Variants in MAGI2 observed in about 807,000 individuals in gnomAD.
The protein encoded by MAGI2 is membrane-associated guanylate kinase, WW and PDZ domain-containing protein 2.
A neutral mutation model predicts 133.3 loss-of-function variants in MAGI2; 35 were observed. That is an observed-to-expected ratio of 0.26 (90% CI 0.20 to 0.35). The LOEUF (loss-of-function observed/expected upper bound fraction) is 0.35. Ranked by LOEUF, MAGI2 falls within the 10% of genes least tolerant of loss-of-function variation. The pLI, the probability that MAGI2 is intolerant of heterozygous loss-of-function variation, is 1.00. For missense variants in MAGI2, 1,636 were observed against 1,863.4 expected (o/e 0.88, Z 2.25); for synonymous variants, 729 against 710.6 (o/e 1.03, Z -0.41).
intron 2 of MAGI2, among the ~76,000 whole-genome samples, chr7:78,867,456 C>A (rs1794656398): frequency 1.3e-5 from 2 of 151,218 alleles, no homozygotes; most frequent in African/African-American, 4.9e-5. Flanking sequence ...AAACCAAACA[C>A]CACATATTCT....
chr7:78,577,822 GAT>G (rs1224668306), intron 3 of MAGI2, among the ~76,000 whole-genome samples: 1 of 152,096 alleles, frequency 6.6e-6, no homozygotes, highest in African/African-American at 2.4e-5. Context: ...TGGCGATCTG[GAT>G]GTGTACGTGC....
At chr7:79,166,679 GA>G (rs888906697) in intron 1 of MAGI2, among the ~76,000 whole-genome samples, 6 of 152,154 alleles carry the variant, frequency 3.9e-5, no homozygotes, top group Admixed American at 6.5e-5. Flanking sequence ...AAGGTGGGGG[GA>G]AAAATCCTTA....
At chr7:78,253,808 A>G (rs1045092267) in intron 10 of MAGI2, 4 of 152,230 alleles carry the variant, frequency 2.6e-5, no homozygotes, top group Middle Eastern at 6.8e-3. Flanking sequence ...ACAGCCGACC[A>G]CCCATGGTCC....
At chr7:78,768,773 G>A (rs879041144) in intron 2 of MAGI2, among the ~76,000 whole-genome samples, 1 of 151,974 alleles carries the variant, frequency 6.6e-6, no homozygotes, top group African/African-American at 2.4e-5. Flanking sequence ...ATTTTTTTCT[G>A]CACAATGCAC....
At position 79,396,129 on chromosome 7, in the gene MAGI2, A is replaced by AT. The variant is rs1018811416; in HGVS notation, c.301+56890dup. On this transcript the variant is annotated intron_variant, in intron 1 of 21. Coordinates refer to ENST00000354212, the MANE Select transcript of MAGI2 (RefSeq NM_012301.4). ...GACTGCTAGCATTCACCAAAGATCTATTTTTTTTTTCTTTCTTGGGCTCAT... is the reference window on the plus strand; with the variant it reads ...GACTGCTAGCATTCACCAAAGATCTATTTTTTTTTTTCTTTCTTGGGCTCAT... 2.1e-3 allele frequency among the ~76,000 whole-genome samples: 318 copies of AT among 149,234 alleles called. 2 individuals carry two copies. Among genetic ancestry groups the AT allele is most frequent in the African/African-American group, 7.0e-3 (283 of 40,708 alleles).
chr7:78,065,430 A>G, intron 21 of MAGI2: 1 of 498,842 alleles, frequency 2.0e-6, no homozygotes. Flanking sequence ...ATCACTTATA[A>G]GGTCTGAGCT....
intron 1 of MAGI2, among the ~76,000 whole-genome samples, chr7:79,317,783 G>A (rs1329875799): frequency 6.6e-6 from 1 of 152,080 alleles, no homozygotes; most frequent in Non-Finnish European, 1.5e-5. Flanking sequence ...TCCTTCGCTT[G>A]CCATGAAGGC....
intron 20 of MAGI2, among the ~76,000 whole-genome samples, chr7:78,091,092 A>T (rs1817162629): frequency 6.6e-6 from 1 of 151,740 alleles, no homozygotes; most frequent in Admixed American, 6.6e-5. Flanking sequence ...AGAGAGTAAG[A>T]GTGAATGAAT....
intron 1 of MAGI2, among the ~76,000 whole-genome samples, chr7:79,134,492 A>G (rs923249166): frequency 2.0e-5 from 3 of 152,148 alleles, no homozygotes; most frequent in Admixed American, 6.5e-5. Context: ...GGTATAATGT[A>G]TCTCAGCTGA....
chr7:78,976,753 A>C (rs1804293558), intron 2 of MAGI2, among the ~76,000 whole-genome samples: 1 of 151,498 alleles, frequency 6.6e-6, no homozygotes, highest in South Asian at 2.1e-4. Context: ...CAAGTATAGC[A>C]AGGTTGCAGG....
intron 1 of MAGI2, among the ~76,000 whole-genome samples, chr7:79,375,901 G>A (rs937371892): frequency 6.6e-6 from 1 of 151,588 alleles, no homozygotes; most frequent in African/African-American, 2.4e-5. Context: ...AGCAATTATT[G>A]GTCTTATCAG....
intron 6 of MAGI2, among the ~76,000 whole-genome samples, chr7:78,433,853 T>A (rs1800025279): frequency 6.6e-6 from 1 of 152,132 alleles, no homozygotes; most frequent in South Asian, 2.1e-4. Flanking sequence ...ATATAAAATG[T>A]GAGGATATTT....
At chr7:79,229,152 AC>A (rs1467783159) in intron 1 of MAGI2, among the ~76,000 whole-genome samples, 2 of 151,844 alleles carry the variant, frequency 1.3e-5, no homozygotes, top group African/African-American at 2.4e-5. Context: ...AAAAAAAAAA[AC>A]AACAACATAA....
chr7:79,394,891 A>C (rs1372437081), intron 1 of MAGI2, among the ~76,000 whole-genome samples: 1 of 152,254 alleles, frequency 6.6e-6, no homozygotes, highest in Non-Finnish European at 1.5e-5. Flanking sequence ...AAAACATAAA[A>C]ATTCTTTCAG....
At chr7:78,513,971 C>T (rs1795821211) in intron 4 of MAGI2, among the ~76,000 whole-genome samples, 1 of 151,130 alleles carries the variant, frequency 6.6e-6, no homozygotes, top group South Asian at 2.1e-4. Context: ...GCCTGTAATC[C>T]CAGCTACTTG....
intron 1 of MAGI2, among the ~76,000 whole-genome samples, chr7:79,075,720 C>T (rs1299879648): frequency 3.3e-5 from 5 of 152,038 alleles, no homozygotes; most frequent in Admixed American, 2.0e-4. Context: ...GCTGAGATCA[C>T]GCCACTGCAC....
At chr7:79,209,280 G>A (rs1829306957) in intron 1 of MAGI2, among the ~76,000 whole-genome samples, 1 of 151,874 alleles carries the variant, frequency 6.6e-6, no homozygotes, top group African/African-American at 2.4e-5. Flanking sequence ...ATTGTACACA[G>A]TAAATATAAA....
intron 1 of MAGI2, among the ~76,000 whole-genome samples, chr7:79,244,821 AC>A (rs1197737658): frequency 6.6e-6 from 1 of 152,172 alleles, no homozygotes; most frequent in Admixed American, 6.5e-5. Flanking sequence ...AACCCCAGGC[AC>A]CACAGCTTAC....
intron 9 of MAGI2, among the ~76,000 whole-genome samples, chr7:78,273,816 T>G (rs1223101435): frequency 6.6e-6 from 1 of 152,180 alleles, no homozygotes; most frequent in Non-Finnish European, 1.5e-5. Context: ...AAACTGTTTA[T>G]TTTGGTTAGC....
Sources: allele counts gnomAD v4.1 joint callset (sites outside exome capture counted in the v4.1 genomes callset), GRCh38; gene constraint gnomAD v4.1.1; transcripts MANE v1.5; gene names NCBI Gene and HGNC (gene_info 2026-07-23, HGNC 2026-07-21).